FRAS1: variants seen among roughly 807,000 people sequenced by gnomAD.
The protein encoded by FRAS1 is Fraser extracellular matrix complex subunit 1.
In FRAS1, 290 loss-of-function variants were observed where a neutral mutation model predicts 435.2. That is an observed-to-expected ratio of 0.67 (90% CI 0.61 to 0.73). FRAS1 has a LOEUF of 0.73. FRAS1 is among the 30% of genes least tolerant of loss of function. FRAS1 has a pLI of 0.00. For missense variants in FRAS1, 4,860 were observed against 5,001.5 expected (o/e 0.97, Z 0.85); for synonymous variants, 1,800 against 1,851.0 (o/e 0.97, Z 0.71).
intron 2 of FRAS1, among the ~76,000 whole-genome samples, chr4:78,200,004 A>G (rs943327151): frequency 6.6e-6 from 1 of 152,208 alleles, no homozygotes; most frequent in Non-Finnish European, 1.5e-5. Context: ...GGATAGGCAA[A>G]AATAGTTCCC....
intron 2 of FRAS1, among the ~76,000 whole-genome samples, chr4:78,121,381 C>T (rs1189877231): frequency 1.3e-5 from 2 of 152,162 alleles, no homozygotes; most frequent in African/African-American, 4.8e-5. Context: ...TGAGAGTATT[C>T]ATTGGCACTA....
chr4:78,496,999 AG>A, intron 60 of FRAS1, 38 bp downstream of exon 60: 7 of 1,546,288 alleles, frequency 4.5e-6, no homozygotes, highest in Non-Finnish European at 6.2e-6. Flanking sequence ...TCTTAGGTTG[AG>A]GGGACATAAA....
chr4:78,116,626 T>C (rs1743202886), intron 2 of FRAS1, among the ~76,000 whole-genome samples: 1 of 152,244 alleles, frequency 6.6e-6, no homozygotes, highest in South Asian at 2.1e-4. Flanking sequence ...GTTTAAAGTC[T>C]GTTTTATCAG....
Position 78,477,950 on chromosome 4 carries a change from G to A in FRAS1, c.7987G>A (p.Ala2663Thr), listed in dbSNP as rs1578347833. Residue 2663 changes from alanine (A) to threonine (T), a missense_variant, in exon 55 of 74, where the codon GCG (alanine) becomes ACG (threonine). Coordinates refer to ENST00000512123, the MANE Select transcript of FRAS1 (RefSeq NM_025074.7). ...TGCCCTGTTAGGGGAATTCACCCAG[G>A]CGAAGGTCATTATCAACGATACCGA... ...AYALLGEFTQ[A>T]KVIINDTEDE... 6.2e-7 allele frequency: 1 copy of A among 1,613,526 alleles called. No individual in the cohort carries two copies. The highest frequency in any genetic ancestry group is 1.3e-5 in the African/African-American group (1 of 75,022).
intron 2 of FRAS1, chr4:78,181,910 A>G (rs1722025796): frequency 3.1e-6 from 5 of 1,610,696 alleles, no homozygotes; most frequent in Admixed American, 1.7e-5. Context: ...AGGGCCCCCA[A>G]CGCCACCCCT....
At chr4:78,281,517 T>C in intron 11 of FRAS1, 84 bp downstream of exon 11, 3 of 814,148 alleles carry the variant, frequency 3.7e-6, no homozygotes, top group Non-Finnish European at 5.7e-6. Context: ...TGGGGAAACT[T>C]AGGACCTTAG....
intron 18 of FRAS1, among the ~76,000 whole-genome samples, chr4:78,320,647 C>G (rs1470640108): frequency 6.6e-6 from 1 of 151,906 alleles, no homozygotes; most frequent in Admixed American, 6.6e-5. Context: ...ACTTCTCTCT[C>G]CCTCCCTCCT....
intron 20 of FRAS1, among the ~76,000 whole-genome samples, chr4:78,360,901 AT>A (rs1443955429): frequency 1.3e-5 from 2 of 152,200 alleles, no homozygotes; most frequent in African/African-American, 4.8e-5. Flanking sequence ...CCCCTTGGTA[AT>A]TATTCTTTTA....
chr4:78,347,264 ATC>A (rs1730641184), intron 20 of FRAS1, among the ~76,000 whole-genome samples: 1 of 152,156 alleles, frequency 6.6e-6, no homozygotes, highest in Admixed American at 6.6e-5. Flanking sequence ...GATACTGCAT[ATC>A]TCTGTTTCTG....
At chr4:78,138,172 C>G (rs918414930) in intron 2 of FRAS1, among the ~76,000 whole-genome samples, 2 of 152,174 alleles carry the variant, frequency 1.3e-5, no homozygotes, top group African/African-American at 4.8e-5. Flanking sequence ...ATTGGAGGCT[C>G]TGGTGCCAAA....
chr4:78,121,026 C>T (rs1347560253), intron 2 of FRAS1, among the ~76,000 whole-genome samples: 2 of 152,174 alleles, frequency 1.3e-5, no homozygotes, highest in African/African-American at 4.8e-5. Flanking sequence ...TAGAATGGTC[C>T]TTTGATACTT....
intron 14 of FRAS1, among the ~76,000 whole-genome samples, chr4:78,306,244 A>C (rs1388522424): frequency 1.3e-5 from 2 of 151,518 alleles, no homozygotes; most frequent in East Asian, 3.9e-4. Context: ...TGTTAGTCTG[A>C]TGGGCTTCCC....
chr4:78,243,496 A>C (rs574959137), intron 3 of FRAS1, among the ~76,000 whole-genome samples: 2 of 152,212 alleles, frequency 1.3e-5, no homozygotes, highest in African/African-American at 4.8e-5. Flanking sequence ...TCAGGGTTAC[A>C]TGGTTAGGTG....
intron 61 of FRAS1, among the ~76,000 whole-genome samples, chr4:78,503,239 T>A (rs1266284327): frequency 6.6e-6 from 1 of 152,226 alleles, no homozygotes; most frequent in African/African-American, 2.4e-5. Context: ...TAAAATGAGT[T>A]AGGGAGAATT....
At chr4:78,535,265 G>T (rs1188000746) in intron 71 of FRAS1, among the ~76,000 whole-genome samples, 1 of 152,130 alleles carries the variant, frequency 6.6e-6, no homozygotes, top group Admixed American at 6.5e-5. Flanking sequence ...TACTCTGAGT[G>T]CTGCCTCTGG....
Position 78,540,735 on chromosome 4 carries a change from A to G in FRAS1, c.11650A>G (p.Lys3884Glu). ...GDQVKNGTNM[K>E]SLNLEMQELA... ...CCAAGTCAAGAATGGCACCAATATG[A>G]AGTCCCTGAATCTGGAGATGCAAGA... The change falls in exon 74 of 74, where the codon AAG (lysine) becomes GAG (glutamate). Residue 3884 changes from lysine (K) to glutamate (E), a missense_variant. By Grantham distance (56) the Lys-to-Glu change is moderately conservative (BLOSUM62 1). Coordinates refer to ENST00000512123, the MANE Select transcript of FRAS1 (RefSeq NM_025074.7). The G allele has an allele frequency of 6.2e-7, 1 of 1,613,794 alleles. No homozygotes were observed.
chr4:78,437,267 C>T (rs1349875248), intron 38 of FRAS1, among the ~76,000 whole-genome samples: 2 of 152,174 alleles, frequency 1.3e-5, no homozygotes, highest in Non-Finnish European at 2.9e-5. Flanking sequence ...GGAGCTCTGT[C>T]CTTATAGTTT....
At chr4:78,249,072 T>TATATATATGC (rs1553934061) in intron 4 of FRAS1, among the ~76,000 whole-genome samples, 2 of 111,922 alleles carry the variant, frequency 1.8e-5, no homozygotes, top group African/African-American at 6.1e-5. Context: ...TGCATATATA[T>TATATATATGC]ATATATATAT....
At chr4:78,457,018 T>A (rs1719222924) in intron 47 of FRAS1, among the ~76,000 whole-genome samples, 1 of 152,038 alleles carries the variant, frequency 6.6e-6, no homozygotes, top group African/African-American at 2.4e-5. Context: ...CTGTAATACT[T>A]CAAGGAGGCC....
Sources: allele counts gnomAD v4.1 joint callset (sites outside exome capture counted in the v4.1 genomes callset), GRCh38; gene constraint gnomAD v4.1.1; transcripts MANE v1.5; gene names NCBI Gene and HGNC (gene_info 2026-07-23, HGNC 2026-07-21).